Variants in ASIC2 observed in about 807,000 individuals in gnomAD.
The protein encoded by ASIC2 is acid-sensing ion channel 2.
A neutral mutation model predicts 57.3 loss-of-function variants in ASIC2; 25 were observed. The ratio of observed to expected loss-of-function variants is 0.44; its 90% CI spans 0.32 to 0.61. ASIC2 has a LOEUF of 0.61. Among genes scored for constraint, ASIC2 ranks in the 20% least tolerant of loss-of-function variants. ASIC2 has a pLI of 0.06. For missense variants in ASIC2, 641 were observed against 738.1 expected (o/e 0.87, Z 1.52); for synonymous variants, 319 against 307.5 (o/e 1.04, Z -0.39).
At chr17:33,698,296 C>T (rs573018543) in intron 1 of ASIC2, among the ~76,000 whole-genome samples, 36 of 152,120 alleles carry the variant, frequency 2.4e-4, no homozygotes, top group Non-Finnish European at 4.7e-4. Flanking sequence ...TTACGCATCT[C>T]GGTACTTAAG....
intron 1 of ASIC2, among the ~76,000 whole-genome samples, chr17:33,945,311 A>ATT (rs56329459): frequency 0.26 from 37,854 of 146,480 alleles, 5,299 homozygotes; most frequent in Admixed American, 0.35. Context: ...GGGCTTGCCC[A>ATT]TTTTTTTTTT....
At chr17:33,040,394 G>T (rs2091925159) in intron 3 of ASIC2, among the ~76,000 whole-genome samples, 2 of 152,234 alleles carry the variant, frequency 1.3e-5, no homozygotes, top group Non-Finnish European at 2.9e-5. Flanking sequence ...CTGGTGGTGT[G>T]AGAAGAGCAC....
At chr17:33,322,919 G>A (rs1382118295) in intron 1 of ASIC2, among the ~76,000 whole-genome samples, 1 of 152,208 alleles carries the variant, frequency 6.6e-6, no homozygotes, top group Non-Finnish European at 1.5e-5. Context: ...AGGAGTCAGA[G>A]ATATCTGAAC....
intron 1 of ASIC2, among the ~76,000 whole-genome samples, chr17:34,134,650 G>C (rs936140183): frequency 1.3e-5 from 2 of 152,190 alleles, no homozygotes; most frequent in Non-Finnish European, 2.9e-5. Flanking sequence ...AGGTCAACAA[G>C]TTATGTGATT....
At chr17:33,438,682 G>C (rs11080221) in intron 1 of ASIC2, among the ~76,000 whole-genome samples, 52,613 of 151,396 alleles carry the variant, frequency 0.35, 9,154 homozygotes, top group Middle Eastern at 0.44. Flanking sequence ...TGTGAGAAGA[G>C]ACTATTCTTC....
chr17:33,275,829 G>A (rs1904681003), intron 1 of ASIC2, among the ~76,000 whole-genome samples: 1 of 152,174 alleles, frequency 6.6e-6, no homozygotes, highest in African/African-American at 2.4e-5. Flanking sequence ...CAGACTGAGG[G>A]AAGAGCATAT....
intron 1 of ASIC2, among the ~76,000 whole-genome samples, chr17:33,947,428 T>G (rs951765558): frequency 1.3e-5 from 2 of 152,198 alleles, no homozygotes; most frequent in Non-Finnish European, 2.9e-5. Context: ...TTAAATGCTC[T>G]AATAAGACTC....
chr17:34,099,935 T>C (rs1910799116), intron 1 of ASIC2, among the ~76,000 whole-genome samples: 2 of 152,282 alleles, frequency 1.3e-5, no homozygotes, highest in South Asian at 4.1e-4. Context: ...ACATGCCTAG[T>C]GAGAGGTCTG....
intron 1 of ASIC2, among the ~76,000 whole-genome samples, chr17:33,156,705 G>A (rs567448177): frequency 2.1e-4 from 32 of 152,134 alleles, no homozygotes; most frequent in African/African-American, 6.7e-4. Flanking sequence ...GCAGTGAGCC[G>A]AGATTGTGAC....
chr17:33,081,803 G>C (rs140067946), intron 3 of ASIC2, among the ~76,000 whole-genome samples: 2 of 152,218 alleles, frequency 1.3e-5, no homozygotes, highest in Non-Finnish European at 2.9e-5. Flanking sequence ...GTGAGCCATG[G>C]TGGGATTCCC....
At position 33,917,088 on chromosome 17, in the gene ASIC2, G is replaced by A. The variant is rs564651664; in HGVS notation, c.555+238890C>T. On this transcript the variant is annotated intron_variant, in intron 1 of 9. Transcript: ENST00000359872. ...CACCTGATTCCCCTTGACTTGGGCT[G>A]TTTGCATCGCTCCTCCTGCCTTTCT... Among the ~76,000 whole-genome samples the A allele has an allele frequency of 7.9e-5, 12 of 152,252 alleles. No individual in the cohort carries two copies. In the South Asian group the frequency reaches 1.5e-3, roughly 18 times the overall value.
chr17:33,673,897 CT>C (rs574986885), intron 1 of ASIC2, among the ~76,000 whole-genome samples: 341 of 140,940 alleles, frequency 2.4e-3, no homozygotes, highest in East Asian at 8.0e-3. Context: ...GCATCCGTGT[CT>C]TTTTTTTTTT....
At chr17:34,086,874 T>G in intron 1 of ASIC2, among the ~76,000 whole-genome samples, 1 of 152,246 alleles carries the variant, frequency 6.6e-6, no homozygotes, top group Non-Finnish European at 1.5e-5. Context: ...CTGCCTTTTT[T>G]TGTTTTCCAT....
At chr17:33,507,470 T>A (rs1211227326) in intron 1 of ASIC2, among the ~76,000 whole-genome samples, 1 of 152,240 alleles carries the variant, frequency 6.6e-6, no homozygotes, top group Non-Finnish European at 1.5e-5. Flanking sequence ...GGAGTTTGCA[T>A]CCTCTTATGC....
At chr17:33,595,162 AT>A (rs1304103042) in intron 1 of ASIC2, among the ~76,000 whole-genome samples, 1 of 152,114 alleles carries the variant, frequency 6.6e-6, no homozygotes, top group Non-Finnish European at 1.5e-5. Context: ...GTAAGTTGAA[AT>A]TGCAGAGAGC....
intron 1 of ASIC2, among the ~76,000 whole-genome samples, chr17:33,497,131 G>A (rs1489652785): frequency 6.6e-6 from 1 of 152,224 alleles, no homozygotes; most frequent in African/African-American, 2.4e-5. Context: ...AGTCAAAATA[G>A]GTAGTGGGCA....
chr17:33,920,158 G>T (rs559213625), intron 1 of ASIC2, among the ~76,000 whole-genome samples: 43 of 152,194 alleles, frequency 2.8e-4, no homozygotes, highest in African/African-American at 2.4e-4. Context: ...TCGTTACTGG[G>T]TATATATCCA....
intron 1 of ASIC2, among the ~76,000 whole-genome samples, chr17:33,742,185 T>G (rs1422792766): frequency 6.6e-6 from 1 of 152,214 alleles, no homozygotes; most frequent in Non-Finnish European, 1.5e-5. Flanking sequence ...ACATGACCCA[T>G]CTACTGTACT....
chr17:33,576,197 T>G (rs1916615526), intron 1 of ASIC2, among the ~76,000 whole-genome samples: 1 of 152,182 alleles, frequency 6.6e-6, no homozygotes, highest in African/African-American at 2.4e-5. Context: ...CAGACTGTTG[T>G]GCATGACTAG....
Sources: allele counts gnomAD v4.1 joint callset (sites outside exome capture counted in the v4.1 genomes callset), GRCh38; gene constraint gnomAD v4.1.1; transcripts MANE v1.5; gene names NCBI Gene and HGNC (gene_info 2026-07-23, HGNC 2026-07-21).